Variants in PARD3B observed in about 807,000 individuals in gnomAD.
The protein encoded by PARD3B is partitioning defective 3 homolog B.
A neutral mutation model predicts 130.2 loss-of-function variants in PARD3B; 103 were observed. The observed-to-expected ratio is 0.79, with a 90% CI of 0.67 to 0.93. PARD3B has a LOEUF of 0.93. PARD3B is among the 40% of genes least tolerant of loss of function. The probability of loss-of-function intolerance (pLI) is 0.00; values close to 1 mark genes in which losing one functional copy is unlikely to be tolerated. For missense variants in PARD3B, 1,609 were observed against 1,499.2 expected, an observed-to-expected ratio of 1.07 and a Z score of -1.21; for synonymous variants, 583 against 553.2, an observed-to-expected ratio of 1.05 and a Z score of -0.76.
At position 205,615,846 on chromosome 2, in the gene PARD3B, AG is replaced by A. The variant is rs1370189131; in HGVS notation, c.*35del. On this transcript the variant is annotated 3_prime_UTR_variant, in exon 23 of 23. Coordinates refer to ENST00000406610, the MANE Select transcript of PARD3B (RefSeq NM_001302769.2). ...CCACCGAGGCCAGCCCGGTCCAGAA[AG>A]GAAGGTGTCTACTCTACCTTTGCCC... The A allele has an allele frequency of 6.4e-7, 1 of 1,554,976 alleles. No individual in the cohort carries two copies.
At chr2:204,831,293 G>A (rs1034504324) in intron 2 of PARD3B, among the ~76,000 whole-genome samples, 1 of 152,136 alleles carries the variant, frequency 6.6e-6, no homozygotes, top group Admixed American at 6.5e-5. Flanking sequence ...GACCTAGGTG[G>A]CCATTACACG....
Position 205,265,378 on chromosome 2 carries a change from T to A in PARD3B, c.2185+19556T>A, listed in dbSNP as rs551916560. 5.9e-5 allele frequency among the ~76,000 whole-genome samples: 9 copies of A among 152,180 alleles called. No homozygotes were observed. The East Asian group carries it at 1.7e-3, about 29-fold the overall frequency. ...GTTAGTAATCATTTGGTTTATTTACTTTTGAAATTAATGTGAAGGGCTCTG... is the reference window on the plus strand; with the variant it reads ...GTTAGTAATCATTTGGTTTATTTACATTTGAAATTAATGTGAAGGGCTCTG... On this transcript the variant is annotated intron_variant, in intron 16 of 22. Transcript: ENST00000406610. The surrounding 1 kb of genome is among the most constrained non-coding windows in gnomAD (Gnocchi z 4.3).
chr2:204,669,169 A>T lies in PARD3B; in HGVS notation c.121-17012A>T, dbSNP rs1165562243. Among the ~76,000 whole-genome samples the T allele has an allele frequency of 2.0e-5, 3 of 152,158 alleles. No homozygotes were observed. Among genetic ancestry groups the T allele is most frequent in the Admixed American group, 1.3e-4 (2 of 15,276 alleles). ...TTGGTAGGTAATTTGTAACCGGAGA[A>T]ATAGGAAACCAGTAGAACCCTTCTT... On this transcript the variant is annotated intron_variant, in intron 1 of 22. Coordinates refer to ENST00000406610, the MANE Select transcript of PARD3B (RefSeq NM_001302769.2). The surrounding 1 kb of genome is among the most constrained non-coding windows in gnomAD (Gnocchi z 4.3).
chr2:205,294,327 C>T (rs1374629073), intron 16 of PARD3B, among the ~76,000 whole-genome samples: 1 of 151,812 alleles, frequency 6.6e-6, no homozygotes, highest in East Asian at 1.9e-4. Context: ...ATTTTCTTAT[C>T]TGTAAGATAG....
chr2:204,772,115 A>C (rs1471115539), intron 2 of PARD3B, among the ~76,000 whole-genome samples: 1 of 152,082 alleles, frequency 6.6e-6, no homozygotes. Context: ...GCAATTTCTA[A>C]ATAAGCCTTA....
At chr2:204,596,035 T>G (rs924285810) in intron 1 of PARD3B, among the ~76,000 whole-genome samples, 2 of 152,232 alleles carry the variant, frequency 1.3e-5, no homozygotes, top group African/African-American at 4.8e-5. Flanking sequence ...TAAAGACAAT[T>G]AAGTAAAAAC....
At chr2:205,209,262 A>G (rs1277000246) in intron 15 of PARD3B, among the ~76,000 whole-genome samples, 1 of 150,502 alleles carries the variant, frequency 6.6e-6, no homozygotes, top group Admixed American at 6.7e-5. Context: ...AAAACCATAA[A>G]AACCCTAGAA....
At chr2:205,522,306 A>G (rs1309946227) in intron 21 of PARD3B, among the ~76,000 whole-genome samples, 1 of 151,832 alleles carries the variant, frequency 6.6e-6, no homozygotes, top group Admixed American at 6.6e-5. Flanking sequence ...GTATTCTAAA[A>G]TATTAAAGAC....
chr2:204,752,316 A>G (rs1391965173), intron 2 of PARD3B, among the ~76,000 whole-genome samples: 1 of 152,128 alleles, frequency 6.6e-6, no homozygotes, highest in Non-Finnish European at 1.5e-5. Flanking sequence ...TATGATGATG[A>G]TTAAATGGTA....
At chr2:205,381,778 T>C (rs187518042) in intron 18 of PARD3B, among the ~76,000 whole-genome samples, 3 of 152,132 alleles carry the variant, frequency 2.0e-5, no homozygotes, top group Admixed American at 2.0e-4. Context: ...TGTATATATT[T>C]CTGTTTGGGG....
At chr2:204,762,734 T>G (rs1026851265) in intron 2 of PARD3B, among the ~76,000 whole-genome samples, 2 of 89,862 alleles carry the variant, frequency 2.2e-5, no homozygotes, top group Non-Finnish European at 6.3e-5. Flanking sequence ...TGCCAGCTGT[T>G]CATCTTTCTT....
chr2:204,743,249 AT>A (rs915752146), intron 2 of PARD3B, among the ~76,000 whole-genome samples: 1 of 151,600 alleles, frequency 6.6e-6, no homozygotes, highest in African/African-American at 2.4e-5. Context: ...CAGAAGGGTG[AT>A]TTTTTTTCTG....
chr2:204,570,730 T>C (rs1267862532), intron 1 of PARD3B, among the ~76,000 whole-genome samples: 1 of 150,530 alleles, frequency 6.6e-6, no homozygotes, highest in Non-Finnish European at 1.5e-5. Context: ...CTGTTATAAC[T>C]GAGGTGTATG....
At chr2:204,869,611 T>C (rs754424865) in intron 2 of PARD3B, among the ~76,000 whole-genome samples, 1 of 152,152 alleles carries the variant, frequency 6.6e-6, no homozygotes, top group Non-Finnish European at 1.5e-5. Context: ...TTTGATGCAG[T>C]ATGAGGTTTT....
At chr2:204,650,978 A>G (rs1368020413) in intron 1 of PARD3B, among the ~76,000 whole-genome samples, 1 of 152,136 alleles carries the variant, frequency 6.6e-6, no homozygotes, top group Non-Finnish European at 1.5e-5. Context: ...GAGAACAGCA[A>G]GTGGGAAGTC....
At chr2:204,820,233 G>C (rs1235148609) in intron 2 of PARD3B, among the ~76,000 whole-genome samples, 1 of 151,606 alleles carries the variant, frequency 6.6e-6, no homozygotes, top group African/African-American at 2.4e-5. Context: ...ACACCACCAT[G>C]CCCAATTAAT....
At chr2:205,136,266 T>G (rs900217654) in intron 10 of PARD3B, among the ~76,000 whole-genome samples, 8 of 152,212 alleles carry the variant, frequency 5.3e-5, no homozygotes, top group Admixed American at 3.9e-4. Context: ...GCTTCTGACC[T>G]CCCATCGTAC....
At chr2:204,759,123 A>T (rs2040797124) in intron 2 of PARD3B, among the ~76,000 whole-genome samples, 1 of 152,138 alleles carries the variant, frequency 6.6e-6, no homozygotes, top group Admixed American at 6.6e-5. Context: ...TAATGTTCTC[A>T]TAATAATTCT....
intron 18 of PARD3B, among the ~76,000 whole-genome samples, chr2:205,355,345 A>G (rs941651116): frequency 5.9e-5 from 9 of 152,202 alleles, no homozygotes; most frequent in Non-Finnish European, 1.3e-4. Context: ...TTGAACCATG[A>G]TGCATTTGTT....
Sources: gnomAD v4.1 joint callset for allele counts (sites outside exome capture counted in the v4.1 genomes callset) on GRCh38, gnomAD v4.1.1 for gene constraint, Gnocchi (gnomAD v3.1) non-coding constraint, MANE v1.5 for transcripts, NCBI Gene and HGNC (gene_info 2026-07-23, HGNC 2026-07-21) for gene names.